ABHD12: variants seen among roughly 807,000 people sequenced by gnomAD.
The protein encoded by ABHD12 is lysophosphatidylserine lipase ABHD12.
Under a neutral mutation model 58.3 loss-of-function variants are expected in ABHD12, and 43 were observed. That is an observed-to-expected ratio of 0.74 (90% CI 0.58 to 0.95). ABHD12 has a LOEUF of 0.95. ABHD12 is among the 40% of genes least tolerant of loss of function. The pLI is 0.00. For synonymous variants in ABHD12, 219 were observed against 211.2 expected (o/e 1.04, Z -0.32); for missense variants, 539 against 537.2 (o/e 1.00, Z -0.03).
At chr20:25,321,570 C>T (rs571437884) in intron 3 of ABHD12, among the ~76,000 whole-genome samples, 49 of 152,384 alleles carry the variant, frequency 3.2e-4, no homozygotes, top group Admixed American at 1.0e-3. Flanking sequence ...CAACACACAG[C>T]GTGGCTGTCA....
intron 4 of ABHD12, among the ~76,000 whole-genome samples, chr20:25,319,902 C>T (rs910760728): frequency 2.6e-5 from 4 of 152,216 alleles, no homozygotes; most frequent in Admixed American, 6.5e-5. Context: ...AGATAGGGGA[C>T]GGTCTGCACA....
At chr20:25,333,574 C>A (rs1258197697) in intron 2 of ABHD12, among the ~76,000 whole-genome samples, 1 of 151,280 alleles carries the variant, frequency 6.6e-6, no homozygotes, top group Admixed American at 6.6e-5. Context: ...TACTGGCAAA[C>A]CTAATCCAGC....
Position 25,339,294 on chromosome 20 carries a change from G to A in ABHD12, c.249C>T (p.Tyr83=), listed in dbSNP as rs1303044966. 2.5e-6 allele frequency: 4 copies of A among 1,614,146 alleles called. No individual in the cohort carries two copies. The highest frequency in any genetic ancestry group is 3.4e-6 in the Non-Finnish European group (4 of 1,180,010). The change falls in exon 2 of 13, where the codon TAC becomes TAT. Residue 83 remains tyrosine (Y), a synonymous_variant. Coordinates refer to ENST00000339157, the MANE Select transcript of ABHD12 (RefSeq NM_001042472.3). ...RKILFCVLGL[Y]IAIPFLIKLC... The stretch of plus-strand genomic sequence containing the variant: ...GTTTGATGAGAAATGGAATGGCAAT[G>A]TACAACCCCAAAACACAGAAAAGTA...
intron 1 of ABHD12, among the ~76,000 whole-genome samples, chr20:25,348,688 A>C (rs2089554641): frequency 6.6e-6 from 1 of 151,976 alleles, no homozygotes; most frequent in Admixed American, 6.6e-5. Flanking sequence ...AACTAATTAA[A>C]CCTTTCTCCA....
chr20:25,322,299 C>T (rs1024451385), intron 3 of ABHD12, among the ~76,000 whole-genome samples: 2 of 146,560 alleles, frequency 1.4e-5, no homozygotes, highest in Middle Eastern at 3.6e-3. Flanking sequence ...TCAGCTGGTG[C>T]GAAGCTATAT....
At chr20:25,377,236 G>A (rs1393615135) in intron 1 of ABHD12, among the ~76,000 whole-genome samples, 1 of 152,158 alleles carries the variant, frequency 6.6e-6, no homozygotes, top group Admixed American at 6.5e-5. Flanking sequence ...GATGTGCCTT[G>A]TCAAGGTGTC....
intron 3 of ABHD12, 49 bp downstream of exon 3, chr20:25,323,276 A>T: frequency 1.7e-6 from 2 of 1,160,716 alleles, no homozygotes; most frequent in Non-Finnish European, 2.6e-6. Context: ...TCAGTCATGT[A>T]GGGTCCTTTC....
chr20:25,345,775 C>A (rs535250141), intron 1 of ABHD12, among the ~76,000 whole-genome samples: 1 of 152,120 alleles, frequency 6.6e-6, no homozygotes, highest in African/African-American at 2.4e-5. Context: ...ATGCAAAACA[C>A]TGATAACACT....
Position 25,386,623 on chromosome 20 carries a change from A to G in ABHD12, c.191+3890T>C, listed in dbSNP as rs8118017. Among the ~76,000 whole-genome samples, 996 of 152,060 alleles carry G rather than the reference A, an allele frequency of 6.6e-3. 16 individuals are homozygous for G. Among genetic ancestry groups the G allele is most frequent in the African/African-American group, 0.023 (954 of 41,512 alleles). On this transcript the variant is annotated intron_variant, in intron 1 of 12. Coordinates refer to ENST00000339157, the MANE Select transcript of ABHD12 (RefSeq NM_001042472.3). ...GGCCAGGTGCGGTGGCTCACGCCTT[A>G]TAATCCCAGCATTTTGGGAGGCTGA...
intron 2 of ABHD12, among the ~76,000 whole-genome samples, chr20:25,326,094 AGAAAG>A (rs2089171702): frequency 7.0e-6 from 1 of 143,782 alleles, no homozygotes; most frequent in Non-Finnish European, 1.5e-5. Context: ...AAAAGAAAAA[AGAAAG>A]GAAAGAAGTG....
chr20:25,300,456 T>C lies in ABHD12; in HGVS notation c.*389A>G. 3.3e-6 allele frequency: 4 copies of C among 1,205,844 alleles called. No homozygotes were observed. The highest frequency in any genetic ancestry group is 4.2e-6 in the Non-Finnish European group (4 of 956,606). The allele number at this position is 1,205,844 out of a possible 1,614,324, so 74.7% of individuals were successfully genotyped here. On this transcript the variant is annotated 3_prime_UTR_variant, in exon 13 of 13. Transcript: ENST00000339157. ...TGCAGAAAGAACCTGGACCCCACGT[T>C]CTCTGTGGGTGGTGCCAAAAAGCTC...
intron 9 of ABHD12, 32 bp from the exon 10 acceptor site, chr20:25,306,947 C>T (rs376340408): frequency 6.6e-6 from 10 of 1,521,256 alleles, no homozygotes; most frequent in African/African-American, 4.1e-5. Flanking sequence ...TTTTCAGAAG[C>T]GTTGGTTAAG....
At position 25,383,312 on chromosome 20, in the gene ABHD12, G is replaced by A. The variant is rs1024207040; in HGVS notation, c.191+7201C>T. On this transcript the variant is annotated intron_variant, in intron 1 of 12. Coordinates refer to ENST00000339157, the MANE Select transcript of ABHD12 (RefSeq NM_001042472.3). ...GATGACTATGTTCTTTGGCATTTACGTATGAGGGTGATCTGGCTATGAAAC... is the reference window on the plus strand; with the variant it reads ...GATGACTATGTTCTTTGGCATTTACATATGAGGGTGATCTGGCTATGAAAC... Among the ~76,000 whole-genome samples the A allele has an allele frequency of 3.9e-5, 6 of 152,172 alleles. No individual in the cohort carries two copies. In the East Asian group the frequency reaches 9.6e-4, roughly 24 times the overall value.
intron 1 of ABHD12, among the ~76,000 whole-genome samples, chr20:25,385,230 G>C (rs181058191): frequency 6.6e-6 from 1 of 151,162 alleles, no homozygotes; most frequent in Non-Finnish European, 1.5e-5. Context: ...CCAGCTACTC[G>C]GGAGGCGGAG....
At chr20:25,373,390 T>C (rs1454227652) in intron 1 of ABHD12, among the ~76,000 whole-genome samples, 1 of 151,906 alleles carries the variant, frequency 6.6e-6, no homozygotes, top group African/African-American at 2.4e-5. Flanking sequence ...CTACTAAAAA[T>C]ACAAAAATCA....
intron 1 of ABHD12, among the ~76,000 whole-genome samples, chr20:25,381,731 T>C (rs1156731792): frequency 6.6e-6 from 1 of 151,784 alleles, no homozygotes; most frequent in African/African-American, 2.4e-5. Context: ...CTCCACCTCC[T>C]GGGTTCAAGC....
At chr20:25,356,097 T>A (rs1205408976) in intron 1 of ABHD12, among the ~76,000 whole-genome samples, 1 of 152,228 alleles carries the variant, frequency 6.6e-6, no homozygotes, top group Non-Finnish European at 1.5e-5. Context: ...TGATGCAGTT[T>A]CTGCGCTTGG....
intron 3 of ABHD12, 27 bp downstream of exon 3, chr20:25,323,297 AG>A (rs1360920620): frequency 6.9e-7 from 1 of 1,440,158 alleles, no homozygotes; most frequent in Non-Finnish European, 9.8e-7. Context: ...CTGCTGCTGG[AG>A]GGGCTGCAGA....
intron 1 of ABHD12, among the ~76,000 whole-genome samples, chr20:25,351,586 C>G (rs1403383001): frequency 6.6e-6 from 1 of 152,190 alleles, no homozygotes; most frequent in Non-Finnish European, 1.5e-5. Flanking sequence ...CAAGTTGACC[C>G]TGGCCCTTAG....
Sources: gnomAD v4.1 joint callset for allele counts (sites outside exome capture counted in the v4.1 genomes callset) on GRCh38, gnomAD v4.1.1 for gene constraint, MANE v1.5 for transcripts, NCBI Gene and HGNC (gene_info 2026-07-23, HGNC 2026-07-21) for gene names.